The following MDN1 variants were observed in gnomAD, a reference collection of about 807,000 sequenced individuals.
MDN1 encodes the protein midasin AAA ATPase 1.
MDN1 carries 266 observed loss-of-function variants against 669.2 expected under a neutral mutation model. The ratio of observed to expected loss-of-function variants is 0.40; its 90% CI spans 0.36 to 0.44. MDN1 has a LOEUF of 0.44. Among genes scored for constraint, MDN1 ranks in the 20% least tolerant of loss-of-function variants. MDN1 has a pLI of 1.00. For missense variants in MDN1, 5,940 were observed against 6,754.0 expected (o/e 0.88, Z 4.22); for synonymous variants, 2,385 against 2,457.1 (o/e 0.97, Z 0.87).
Position 89,730,840 on chromosome 6 carries a change from C to G in MDN1, c.5026G>C (p.Val1676Leu). 1 of 1,614,058 alleles carries G rather than the reference C, an allele frequency of 6.2e-7. No individual in the cohort carries two copies. ...TTTTTCTGATATTCTGTAAGTCGTA[C>G]TATCTTGGCAAGCCTCTTGATTAGA... The part of the protein sequence containing the change: ...KFLIKRLAKI[V>L]RLTEYQKNEL... Residue 1676 changes from valine (V) to leucine (L), a missense_variant, in exon 35 of 102, where the codon GTA (valine) becomes CTA (leucine). By Grantham distance (32) the Val-to-Leu change is conservative. Around this residue, in one of 5 missense-constraint regions of MDN1, gnomAD observed 2,292 missense variants for 2,638.3 expected, o/e 0.87. Transcript: ENST00000369393.
At chr6:89,710,930 C>T in intron 49 of MDN1, 136 bp from the exon 50 acceptor site, 1 of 563,868 alleles carries the variant, frequency 1.8e-6, no homozygotes, top group East Asian at 3.4e-5. Context: ...GTGGCCAGTG[C>T]AACTAAAGGA....
rs769733804 is a variant in MDN1, at chr6:89,672,332, T to G, written c.13662A>C (p.Leu4554=). The G allele has an allele frequency of 6.2e-7, 1 of 1,612,456 alleles. No homozygotes were observed. Among genetic ancestry groups the G allele is most frequent in the Admixed American group, 1.7e-5 (1 of 59,466 alleles). The change falls in exon 82 of 102, where the codon CTA becomes CTC. Residue 4554 remains leucine, a synonymous_variant. Coordinates refer to ENST00000369393, the MANE Select transcript of MDN1 (RefSeq NM_014611.3). ...AGFERLQSGH[L]TKLLEDDFWA... ...AGAAGTCATCCTCTAAGAGTTTTGT[T>G]AGATGTCCTGATTGCAGTCTCTCAA...
intron 37 of MDN1, among the ~76,000 whole-genome samples, chr6:89,726,062 T>A (rs1170102028): frequency 6.6e-6 from 1 of 152,136 alleles, no homozygotes; most frequent in Admixed American, 6.6e-5. Flanking sequence ...TTAAACTGTA[T>A]CCATTACATA....
chr6:89,752,598 C>T (rs534077343), intron 22 of MDN1, among the ~76,000 whole-genome samples: 7 of 152,212 alleles, frequency 4.6e-5, no homozygotes, highest in African/African-American at 9.6e-5. Context: ...AAATCCAAAA[C>T]GGCTATTGTT....
chr6:89,818,967 G>A lies in MDN1; in HGVS notation c.102+539C>T, dbSNP rs9986552. Among the ~76,000 whole-genome samples the A allele has an allele frequency of 9.3e-3, 1,414 of 151,858 alleles. 15 individuals are homozygous for A. The highest frequency in any genetic ancestry group is 0.025 in the African/African-American group (1,038 of 41,452). On this transcript the variant is annotated intron_variant, in intron 1 of 101. Coordinates refer to ENST00000369393, the MANE Select transcript of MDN1 (RefSeq NM_014611.3). ...TGTCTTGCTCTGTACTTCAGCTGTT[G>A]TAAGTGTTTACGAACTGTCTCCAAA...
chr6:89,670,875 T>C, intron 83 of MDN1, 44 bp downstream of exon 83: 2 of 1,572,088 alleles, frequency 1.3e-6, no homozygotes, highest in Non-Finnish European at 1.7e-6. Flanking sequence ...TGAAATTTAC[T>C]TGGGTCCCTG....
intron 2 of MDN1, among the ~76,000 whole-genome samples, chr6:89,795,404 A>T (rs1013670936): frequency 7.2e-5 from 11 of 152,070 alleles, no homozygotes; most frequent in African/African-American, 2.7e-4. Flanking sequence ...AATGAAGACG[A>T]CAAGCCTGGG....
intron 26 of MDN1, among the ~76,000 whole-genome samples, chr6:89,749,019 G>A (rs1479885545): frequency 6.6e-6 from 1 of 151,920 alleles, no homozygotes; most frequent in Admixed American, 6.6e-5. Flanking sequence ...AGCTATGATT[G>A]TGCCACTACA....
chr6:89,803,895 C>CTTT (rs56246331), intron 1 of MDN1, among the ~76,000 whole-genome samples: 9 of 76,410 alleles, frequency 1.2e-4, no homozygotes, highest in Admixed American at 2.1e-4. Context: ...CTTTTCTTTT[C>CTTT]TTTTTTTTTT....
chr6:89,763,259 T>A (rs1241720539), intron 15 of MDN1, among the ~76,000 whole-genome samples: 1 of 150,944 alleles, frequency 6.6e-6, no homozygotes, highest in Admixed American at 6.6e-5. Flanking sequence ...ACATTATCAG[T>A]TAGGAAAACG....
chr6:89,661,956 T>G, intron 87 of MDN1, 131 bp downstream of exon 87: 1 of 1,060,636 alleles, frequency 9.4e-7, no homozygotes. Flanking sequence ...CTGTTGCATA[T>G]TCTTTTATGA....
chr6:89,799,140 G>C (rs745608014), intron 2 of MDN1, among the ~76,000 whole-genome samples: 1 of 152,120 alleles, frequency 6.6e-6, no homozygotes, highest in Admixed American at 6.6e-5. Flanking sequence ...CTGTATGGCC[G>C]CATGACTGGC....
At chr6:89,796,860 G>T (rs9362688) in intron 2 of MDN1, among the ~76,000 whole-genome samples, 1 of 151,022 alleles carries the variant, frequency 6.6e-6, no homozygotes, top group East Asian at 2.0e-4. Flanking sequence ...CCTGAGGTCG[G>T]GAGTTCGAGA....
At chr6:89,672,174 G>T in intron 82 of MDN1, 26 bp downstream of exon 82, 8 of 1,546,850 alleles carry the variant, frequency 5.2e-6, no homozygotes, top group South Asian at 1.3e-5. Flanking sequence ...TGAAGAGGAA[G>T]AAGTTTGTAA....
intron 90 of MDN1, among the ~76,000 whole-genome samples, chr6:89,657,802 GATA>G (rs1382290284): frequency 6.6e-6 from 1 of 152,166 alleles, no homozygotes; most frequent in Non-Finnish European, 1.5e-5. Flanking sequence ...GGTCCTGTAA[GATA>G]ATAACACGTT....
Position 89,696,564 on chromosome 6 carries a change from T to G in MDN1, c.9179A>C (p.Asn3060Thr), listed in dbSNP as rs770746609. 5 of 1,613,670 alleles carry G rather than the reference T, an allele frequency of 3.1e-6. 1 individual carries two copies. Among genetic ancestry groups the G allele is most frequent in the Middle Eastern group, 3.3e-4 (2 of 6,076 alleles). ...VLDSTLKGPG[N>T]LNRPIFSKCC... ...CTTAGAGAATATGGGTCTATTGAGATTGCCGGGGCCCTAAAGGACAAGAGA... is the reference window on the plus strand; with the variant it reads ...CTTAGAGAATATGGGTCTATTGAGAGTGCCGGGGCCCTAAAGGACAAGAGA... The change falls in exon 60 of 102, where the codon AAT becomes ACT. Residue 3060 changes from asparagine to threonine, a missense_variant. Around this residue, in one of 5 missense-constraint regions of MDN1, gnomAD observed 2,292 missense variants for 2,638.3 expected, o/e 0.87. Transcript: ENST00000369393.
chr6:89,753,512 C>T lies in MDN1; in HGVS notation c.3075G>A (p.Gln1025=), dbSNP rs780867033. 1.2e-6 allele frequency: 2 copies of T among 1,603,498 alleles called. No individual in the cohort carries two copies. The highest frequency in any genetic ancestry group is 8.5e-7 in the Non-Finnish European group (1 of 1,171,230). Residue 1025 remains glutamine (Q), a splice_region_variant and synonymous_variant, in exon 22 of 102, where the codon CAG becomes CAA. Coordinates refer to ENST00000369393, the MANE Select transcript of MDN1 (RefSeq NM_014611.3). ...AGTCAAAAATAACAAAAGAACATAC[C>T]TGCTTCAGCAGACTCTTGACATTGC... is the stretch of plus-strand genomic sequence containing the variant. ...VPGNVKSLLK[Q]PIPEPKGGRL...
chr6:89,702,855 C>A (rs918113107), intron 53 of MDN1, among the ~76,000 whole-genome samples: 7 of 151,890 alleles, frequency 4.6e-5, no homozygotes, highest in Non-Finnish European at 4.4e-5. Flanking sequence ...TTTCTTTTAG[C>A]CAGCTCATAG....
At chr6:89,770,666 TA>T (rs940910998) in intron 15 of MDN1, among the ~76,000 whole-genome samples, 2 of 151,982 alleles carry the variant, frequency 1.3e-5, no homozygotes, top group African/African-American at 4.8e-5. Flanking sequence ...CATGCCCAAC[TA>T]ATTTTCGTAT....
Sources: allele counts gnomAD v4.1 joint callset (sites outside exome capture counted in the v4.1 genomes callset), GRCh38; gene constraint gnomAD v4.1.1; regional missense constraint gnomAD v4.1.1; transcripts MANE v1.5; gene names NCBI Gene and HGNC (gene_info 2026-07-23, HGNC 2026-07-21).